OPCML: variants seen among roughly 807,000 people sequenced by gnomAD.
OPCML encodes the protein opioid-binding protein/cell adhesion molecule.
A neutral mutation model predicts 37.8 loss-of-function variants in OPCML; 13 were observed. The observed-to-expected ratio is 0.34, with a 90% confidence interval of 0.22 to 0.55. The LOEUF is 0.55. Among genes scored for constraint, OPCML ranks in the 20% least tolerant of loss-of-function variants. The pLI, the probability that OPCML is intolerant of heterozygous loss-of-function variation, is 0.91. For synonymous variants in OPCML, 176 were observed against 168.8 expected (o/e 1.04, Z -0.33); for missense variants, 341 against 435.6 (o/e 0.78, Z 1.93).
chr11:132,426,808 G>C (rs1028886213), intron 7 of OPCML, among the ~76,000 whole-genome samples: 2 of 152,168 alleles, frequency 1.3e-5, no homozygotes, highest in Admixed American at 6.5e-5. Context: ...ACATAAGAAC[G>C]GGGAATTTCA....
At chr11:133,297,271 T>C (rs1942654137) in intron 1 of OPCML, 1 of 152,218 alleles carries the variant, frequency 6.6e-6, no homozygotes, top group African/African-American at 2.4e-5. Flanking sequence ...ACTGAGATTA[T>C]CTATTTTAAG....
chr11:132,736,502 C>T (rs1407767309), intron 2 of OPCML, among the ~76,000 whole-genome samples: 1 of 152,140 alleles, frequency 6.6e-6, no homozygotes, highest in Non-Finnish European at 1.5e-5. Context: ...GGCAGTTATG[C>T]CCCACTACAG....
chr11:132,459,387 TTCTCTC>T (rs146884367), intron 4 of OPCML, among the ~76,000 whole-genome samples: 4 of 143,120 alleles, frequency 2.8e-5, no homozygotes, highest in East Asian at 2.1e-4. Flanking sequence ...GCCAATTCCT[TTCTCTC>T]TCTCTCTCTC....
At chr11:132,422,389 A>G (rs7102356) in intron 7 of OPCML, among the ~76,000 whole-genome samples, 3,423 of 152,314 alleles carry the variant, frequency 0.022, 127 homozygotes, top group African/African-American at 0.077. Flanking sequence ...GAATAGTAAA[A>G]GGAAATGAGT....
intron 1 of OPCML, among the ~76,000 whole-genome samples, chr11:133,291,363 C>T (rs979196743): frequency 1.3e-5 from 2 of 152,122 alleles, no homozygotes; most frequent in Non-Finnish European, 2.9e-5. Context: ...CTCCCCAACC[C>T]GAGAGATGAG....
chr11:132,851,944 T>G (rs1238922037), intron 2 of OPCML, among the ~76,000 whole-genome samples: 1 of 152,214 alleles, frequency 6.6e-6, no homozygotes, highest in Non-Finnish European at 1.5e-5. Context: ...GGCACATTGA[T>G]TATTTTAAGC....
Position 133,306,000 on chromosome 11 carries a change from G to C in OPCML, c.61+226264C>G, listed in dbSNP as rs546754752. On this transcript the variant is annotated intron_variant, in intron 1 of 7. Transcript: ENST00000524381. ...TCAACTGAAAGAACGTCAGTGCTTT[G>C]CCTTAAGAGCCTTTGAAAGCTGAAA... 2.0e-5 allele frequency among the ~76,000 whole-genome samples: 3 copies of C among 152,288 alleles called. No homozygotes were observed. In the South Asian group the frequency reaches 6.2e-4, roughly 32 times the overall value.
At chr11:132,425,259 A>G (rs1014021596) in intron 7 of OPCML, among the ~76,000 whole-genome samples, 10 of 150,610 alleles carry the variant, frequency 6.6e-5, no homozygotes, top group Non-Finnish European at 4.4e-5. Flanking sequence ...TAAACAAATA[A>G]ACAGACAAAT....
At position 133,211,075 on chromosome 11, in the gene OPCML, G is replaced by C. The variant is rs1013366017; in HGVS notation, c.62-268065C>G. Among the ~76,000 whole-genome samples the C allele has an allele frequency of 9.9e-5, 15 of 152,170 alleles. No individual in the cohort carries two copies. The highest frequency in any genetic ancestry group is 3.6e-4 in the African/African-American group (15 of 41,446). ...AACCACCTAGTAATAGAAATGAAAT[G>C]AGGCATCATTCAAAACAGAGGCTTG... On this transcript the variant is annotated intron_variant, in intron 1 of 7. Coordinates refer to ENST00000524381, the MANE Select transcript of OPCML (RefSeq NM_001012393.5). The surrounding 1 kb of genome is among the most constrained non-coding windows in gnomAD (Gnocchi z 4.1).
intron 3 of OPCML, among the ~76,000 whole-genome samples, chr11:132,557,300 A>T (rs1285758451): frequency 2.0e-5 from 3 of 152,184 alleles, no homozygotes; most frequent in Non-Finnish European, 4.4e-5. Context: ...TCAGTCGTAG[A>T]GGGAGTCAGA....
chr11:132,519,739 T>G (rs149052673), intron 4 of OPCML, among the ~76,000 whole-genome samples: 17 of 152,232 alleles, frequency 1.1e-4, no homozygotes, highest in African/African-American at 3.6e-4. Context: ...CTGAGCAAGA[T>G]ATGTATAACC....
chr11:133,002,981 A>C (rs1193670927), intron 1 of OPCML, among the ~76,000 whole-genome samples: 2 of 152,184 alleles, frequency 1.3e-5, no homozygotes, highest in African/African-American at 2.4e-5. Context: ...GCAAGTTAAA[A>C]GTCACAGTGA....
chr11:132,937,604 G>GC (rs1945433579), intron 2 of OPCML, among the ~76,000 whole-genome samples: 1 of 121,040 alleles, frequency 8.3e-6, no homozygotes, highest in Non-Finnish European at 1.7e-5. Flanking sequence ...GGGTGTGTGT[G>GC]TGTGTGTGTG....
At chr11:132,436,615 A>G in intron 6 of OPCML, 44 bp downstream of exon 6, 1 of 1,606,724 alleles carries the variant, frequency 6.2e-7, no homozygotes, top group South Asian at 1.1e-5. Flanking sequence ...GGGATAGACC[A>G]TCAGCTCTGC....
rs1256602808 is a variant in OPCML, at chr11:132,852,374, C to A, written c.146+90552G>T. ...AAGAATTTTACCTCCGCTATACCAGCGGTTTTCAAAGTGTGACCTGCAGAC... is the reference window on the plus strand; with the variant it reads ...AAGAATTTTACCTCCGCTATACCAGAGGTTTTCAAAGTGTGACCTGCAGAC... On this transcript the variant is annotated intron_variant, in intron 2 of 7. Transcript: ENST00000524381. Among the ~76,000 whole-genome samples the A allele has an allele frequency of 2.0e-5, 3 of 152,138 alleles. No homozygotes were observed. In the South Asian group the frequency reaches 6.2e-4, roughly 31 times the overall value.
intron 1 of OPCML, among the ~76,000 whole-genome samples, chr11:133,444,232 C>T (rs952536630): frequency 2.6e-5 from 4 of 152,074 alleles, no homozygotes; most frequent in Admixed American, 1.3e-4. Flanking sequence ...GAATGAACTG[C>T]TTAATGGCCT....
chr11:132,485,851 T>A (rs186576186), intron 4 of OPCML, among the ~76,000 whole-genome samples: 23 of 152,316 alleles, frequency 1.5e-4, no homozygotes, highest in African/African-American at 5.5e-4. Context: ...AAATAAAACA[T>A]TCTTGTACAA....
At chr11:133,012,886 A>AG (rs1787971341) in intron 1 of OPCML, among the ~76,000 whole-genome samples, 1 of 151,782 alleles carries the variant, frequency 6.6e-6, no homozygotes. Flanking sequence ...AAAAAAAAAA[A>AG]AGAAAAAAAT....
chr11:132,575,425 A>AT (rs2096448103), intron 3 of OPCML, among the ~76,000 whole-genome samples: 2 of 151,682 alleles, frequency 1.3e-5, no homozygotes, highest in Admixed American at 6.6e-5. Context: ...CTATAATTTA[A>AT]TTTTTTGTGT....
Sources: allele counts gnomAD v4.1 joint callset (sites outside exome capture counted in the v4.1 genomes callset), GRCh38; gene constraint gnomAD v4.1.1; non-coding constraint Gnocchi (gnomAD v3.1); transcripts MANE v1.5; gene names NCBI Gene and HGNC (gene_info 2026-07-23, HGNC 2026-07-21).